Variants in DST observed in about 807,000 individuals in gnomAD.
DST encodes bullous pemphigoid antigen.
Under a neutral mutation model 875.2 loss-of-function variants are expected in DST, and 253 were observed. The ratio of observed to expected loss-of-function variants is 0.29; its 90% CI spans 0.26 to 0.32. The LOEUF (loss-of-function observed/expected upper bound fraction) is 0.32, where lower values mean the gene tolerates loss of function less well. Ranked by LOEUF, DST falls within the 10% of genes least tolerant of loss-of-function variation. DST has a pLI of 1.00. For missense variants in DST, 8,287 were observed against 9,111.6 expected, an observed-to-expected ratio of 0.91 and a Z score of 3.68; for synonymous variants, 3,124 against 3,197.1, an observed-to-expected ratio of 0.98 and a Z score of 0.77.
chr6:56,611,466 C>T lies in DST; in HGVS notation c.5147+42G>A, dbSNP rs763849686. 17 of 1,397,798 alleles carry T rather than the reference C, an allele frequency of 1.2e-5. 1 individual carries two copies. The South Asian group carries it at 1.9e-4, about 16-fold the overall frequency. 86.6% of individuals were successfully genotyped at this position (1,397,798 alleles called of 1,614,324 possible). ...GTTTTGCTGAAAGCTTTTAAGAATA[C>T]TTCCCCACTTAAAATAAAAGAGCTA... On this transcript the variant is annotated intron_variant, in intron 38 of 103. Coordinates refer to ENST00000680361, the MANE Select transcript of DST (RefSeq NM_001374736.1).
At chr6:56,920,262 T>C (rs1263739696) in intron 2 of DST, among the ~76,000 whole-genome samples, 1 of 152,160 alleles carries the variant, frequency 6.6e-6, no homozygotes, top group African/African-American at 2.4e-5. Flanking sequence ...GGGTTGAAGC[T>C]AGTTTACCAC....
At chr6:56,784,840 T>G (rs1032528436) in intron 4 of DST, among the ~76,000 whole-genome samples, 3 of 152,218 alleles carry the variant, frequency 2.0e-5, no homozygotes, top group African/African-American at 4.8e-5. Flanking sequence ...TCTGTTTTTT[T>G]CCCCATCTTT....
intron 61 of DST, among the ~76,000 whole-genome samples, chr6:56,537,484 C>T (rs1482405115): frequency 1.3e-5 from 2 of 152,034 alleles, no homozygotes; most frequent in African/African-American, 4.8e-5. Context: ...GCAGGAGGGC[C>T]AAAATACAGA....
At chr6:56,598,067 A>G in intron 46 of DST, 61 bp from the exon 47 acceptor site, 1 of 1,426,138 alleles carries the variant, frequency 7.0e-7, no homozygotes, top group East Asian at 2.3e-5. Flanking sequence ...GTTTTAAGAC[A>G]TTCCAAAAGT....
chr6:56,576,782 C>G (rs557671596), intron 50 of DST, among the ~76,000 whole-genome samples: 5 of 152,128 alleles, frequency 3.3e-5, no homozygotes, highest in African/African-American at 1.2e-4. Flanking sequence ...TCTCTACCAG[C>G]AAGATAGTGG....
chr6:56,711,798 A>G (rs956939127), intron 5 of DST, among the ~76,000 whole-genome samples: 2 of 152,234 alleles, frequency 1.3e-5, no homozygotes, highest in African/African-American at 4.8e-5. Flanking sequence ...TCTTTTAAAA[A>G]TAGGAGGAGG....
chr6:56,569,150 GTC>G (rs2097732817), intron 54 of DST, among the ~76,000 whole-genome samples: 1 of 151,892 alleles, frequency 6.6e-6, no homozygotes, highest in African/African-American at 2.4e-5. Flanking sequence ...ATGAAACCCT[GTC>G]TCTACTAAAA....
At chr6:56,717,533 G>A (rs2099399632) in intron 5 of DST, among the ~76,000 whole-genome samples, 1 of 152,128 alleles carries the variant, frequency 6.6e-6, no homozygotes, top group Non-Finnish European at 1.5e-5. Flanking sequence ...GACATAAATG[G>A]TTACCCATCA....
chr6:56,656,865 A>T (rs541329723), intron 10 of DST, among the ~76,000 whole-genome samples: 4 of 152,264 alleles, frequency 2.6e-5, no homozygotes, highest in African/African-American at 9.6e-5. Context: ...ATGTATATGT[A>T]TGTGTGTGTA....
At chr6:56,858,192 T>TCAGAGG (rs1768982209) in intron 3 of DST, among the ~76,000 whole-genome samples, 1 of 151,454 alleles carries the variant, frequency 6.6e-6, no homozygotes. Context: ...TGGGTGGAGG[T>TCAGAGG]GAGAGGAAGG....
At chr6:56,742,161 G>T in intron 4 of DST, 1 of 618,540 alleles carries the variant, frequency 1.6e-6, no homozygotes, top group Non-Finnish European at 2.6e-6. Flanking sequence ...GTTTTCGAAA[G>T]ATGCCCGACA....
At chr6:56,891,074 T>C (rs1466834758) in intron 3 of DST, among the ~76,000 whole-genome samples, 2 of 152,072 alleles carry the variant, frequency 1.3e-5, no homozygotes, top group African/African-American at 2.4e-5. Flanking sequence ...CCTAACCAAA[T>C]CCAGAAGAGG....
chr6:56,810,028 G>A (rs1253896320), intron 4 of DST, among the ~76,000 whole-genome samples: 1 of 152,138 alleles, frequency 6.6e-6, no homozygotes, highest in South Asian at 2.1e-4. Context: ...GCAAATTTTA[G>A]TTATAATATA....
intron 2 of DST, among the ~76,000 whole-genome samples, chr6:56,908,107 AC>A (rs1356137604): frequency 6.6e-6 from 1 of 152,050 alleles, no homozygotes; most frequent in Non-Finnish European, 1.5e-5. Context: ...ATACACACAC[AC>A]ACACACACAT....
At chr6:56,840,530 G>A (rs567774895) in intron 4 of DST, among the ~76,000 whole-genome samples, 1 of 152,200 alleles carries the variant, frequency 6.6e-6, no homozygotes, top group African/African-American at 2.4e-5. Context: ...ACAAGTAACA[G>A]GACTCGAATA....
At chr6:56,826,540 GCTCT>G (rs990512495) in intron 4 of DST, among the ~76,000 whole-genome samples, 2 of 152,032 alleles carry the variant, frequency 1.3e-5, no homozygotes, top group Non-Finnish European at 2.9e-5. Flanking sequence ...TATTTTCATA[GCTCT>G]CTCTGTTTGC....
intron 27 of DST, 93 bp from the exon 28 acceptor site, chr6:56,633,130 T>C: frequency 2.1e-6 from 2 of 937,828 alleles, no homozygotes; most frequent in Admixed American, 1.8e-5. Context: ...TATGCCAATC[T>C]AAACGAATAA....
rs1320888505 is a variant in DST at position 56,608,478 on chromosome 6, C to T, written c.6150G>A (p.Gln2050=). The change falls in exon 40 of 104, where the codon CAG becomes CAA. Residue 2050 remains glutamine (Q), a synonymous_variant. Transcript: ENST00000680361. ...CACTGCTGGAAGTTATTAAATCACA[C>T]TGTACTGCTTCGTCTACAGTTAAAC... is the stretch of plus-strand genomic sequence containing the variant. The part of the protein sequence containing the change: ...AKRLTVDEAV[Q]CDLITSSSAL... The T allele has an allele frequency of 1.9e-6, 3 of 1,613,688 alleles. No individual in the cohort carries two copies. Among genetic ancestry groups the T allele is most frequent in the African/African-American group, 1.3e-5 (1 of 75,020 alleles).
rs375978950 is a variant in DST at position 56,459,102 on chromosome 6, C to T, written c.23360G>A (p.Arg7787Gln). 9 of 1,613,822 alleles carry T rather than the reference C, an allele frequency of 5.6e-6. No individual in the cohort carries two copies. The highest frequency in any genetic ancestry group is 1.6e-4 in the Middle Eastern group (1 of 6,084). The change falls in exon 104 of 104, where the codon CGA (arginine) becomes CAA (glutamine). Residue 7787 changes from arginine (R) to glutamine (Q), a missense_variant. By Grantham distance (43) the Arg-to-Gln change is conservative (BLOSUM62 1). This residue lies in a region of DST where 240 missense variants were observed against 237.3 expected (regional missense o/e 1.01). Coordinates refer to ENST00000680361, the MANE Select transcript of DST (RefSeq NM_001374736.1). ...CGCTGTGGATGGCCGAGAACCTGCT[C>T]GGGGTGTAGGTCTGTGTGTCTGGGG... ...TVPQTHRPTP[R>Q]AGSRPSTAKP...
Sources: allele counts gnomAD v4.1 joint callset (sites outside exome capture counted in the v4.1 genomes callset), GRCh38; gene constraint gnomAD v4.1.1; regional missense constraint gnomAD v4.1.1; transcripts MANE v1.5; gene names NCBI Gene and HGNC (gene_info 2026-07-23, HGNC 2026-07-21).